The following PCCA variants were observed in gnomAD, a reference collection of about 807,000 sequenced individuals.
PCCA encodes propionyl-CoA carboxylase subunit alpha, also known as propionyl-CoA carboxylase alpha chain, mitochondrial.
PCCA carries 74 observed loss-of-function variants against 101.3 expected under a neutral mutation model. The ratio of observed to expected loss-of-function variants is 0.73; its 90% CI spans 0.61 to 0.89. The LOEUF (loss-of-function observed/expected upper bound fraction) is 0.89. Ranked by LOEUF, PCCA falls within the 40% of genes least tolerant of loss-of-function variation. PCCA has a pLI of 0.00. For synonymous variants in PCCA, 294 were observed against 313.6 expected (o/e 0.94, Z 0.66); for missense variants, 891 against 907.0 (o/e 0.98, Z 0.23).
At chr13:100,190,122 A>G (rs1156530172) in intron 6 of PCCA, among the ~76,000 whole-genome samples, 1 of 152,206 alleles carries the variant, frequency 6.6e-6, no homozygotes, top group Non-Finnish European at 1.5e-5. Context: ...ACTAATTAAT[A>G]TGATACAATG....
chr13:100,386,836 C>T (rs1347247893), intron 19 of PCCA, among the ~76,000 whole-genome samples: 19 of 152,192 alleles, frequency 1.2e-4, no homozygotes, highest in Admixed American at 1.2e-3. Context: ...AGCTGGAGGG[C>T]TGACTCCATA....
intron 4 of PCCA, among the ~76,000 whole-genome samples, chr13:100,147,882 G>T (rs2052774662): frequency 6.6e-6 from 1 of 151,750 alleles, no homozygotes; most frequent in South Asian, 2.1e-4. Context: ...AGTTTTTTTT[G>T]TGTTTTTAAT....
At chr13:100,298,895 G>A (rs922300776) in intron 12 of PCCA, among the ~76,000 whole-genome samples, 3 of 151,452 alleles carry the variant, frequency 2.0e-5, no homozygotes, top group Admixed American at 1.3e-4. Context: ...AAGATTTCTG[G>A]TAATAACACA....
At chr13:100,447,464 G>A (rs964278582) in intron 20 of PCCA, among the ~76,000 whole-genome samples, 23 of 151,946 alleles carry the variant, frequency 1.5e-4, no homozygotes, top group African/African-American at 5.3e-4. Context: ...CTGAGGCCAG[G>A]AGTTCGAGAC....
intron 6 of PCCA, among the ~76,000 whole-genome samples, chr13:100,192,753 A>G (rs1282134915): frequency 6.6e-6 from 1 of 152,096 alleles, no homozygotes; most frequent in Non-Finnish European, 1.5e-5. Flanking sequence ...AAATATTTAA[A>G]TGTTTGCTTG....
At chr13:100,529,235 G>A (rs1484716261) in intron 23 of PCCA, among the ~76,000 whole-genome samples, 1 of 152,194 alleles carries the variant, frequency 6.6e-6, no homozygotes, top group Non-Finnish European at 1.5e-5. Flanking sequence ...AAAGGAAACA[G>A]ATCCTCTACT....
At chr13:100,094,339 T>C (rs1390767080) in intron 1 of PCCA, among the ~76,000 whole-genome samples, 1 of 152,118 alleles carries the variant, frequency 6.6e-6, no homozygotes, top group Non-Finnish European at 1.5e-5. Context: ...AAAATACTGC[T>C]TTTGACAACA....
intron 21 of PCCA, among the ~76,000 whole-genome samples, chr13:100,463,498 G>A (rs1245126004): frequency 6.9e-6 from 1 of 144,576 alleles, no homozygotes; most frequent in Non-Finnish European, 1.5e-5. Context: ...GATGCAGTTA[G>A]GGAGGAAAAA....
At chr13:100,093,229 T>C (rs2046436625) in intron 1 of PCCA, among the ~76,000 whole-genome samples, 1 of 152,198 alleles carries the variant, frequency 6.6e-6, no homozygotes, top group African/African-American at 2.4e-5. Context: ...TGGGTATCAG[T>C]GGCTGGCTTT....
At position 100,134,888 on chromosome 13, in the gene PCCA, TG is replaced by T. The variant is rs531751901; in HGVS notation, c.301-20090del. ...CATTAGCATTTCATAGTTTTCAATA[TG>T]CAGATCCTGCACATGCTTTGTTTTG... On this transcript the variant is annotated intron_variant, in intron 4 of 23. Coordinates refer to ENST00000376285, the MANE Select transcript of PCCA (RefSeq NM_000282.4). Among the ~76,000 whole-genome samples, 695 of 151,494 alleles carry T rather than the reference TG, an allele frequency of 4.6e-3. 3 individuals carry two copies. The highest frequency in any genetic ancestry group is 6.4e-3 in the Non-Finnish European group (437 of 67,940).
At chr13:100,163,239 A>T (rs2054674940) in intron 6 of PCCA, among the ~76,000 whole-genome samples, 1 of 152,082 alleles carries the variant, frequency 6.6e-6, no homozygotes, top group African/African-American at 2.4e-5. Context: ...GTTAAAACAG[A>T]TTGAAGTGTT....
intron 18 of PCCA, among the ~76,000 whole-genome samples, chr13:100,367,651 T>G (rs2075283388): frequency 1.3e-5 from 2 of 150,976 alleles, no homozygotes; most frequent in South Asian, 4.2e-4. Context: ...TTTTGTTTTT[T>G]TTTTTTTGCA....
At chr13:100,469,582 G>C (rs1466530135) in intron 21 of PCCA, among the ~76,000 whole-genome samples, 2 of 151,804 alleles carry the variant, frequency 1.3e-5, no homozygotes, top group South Asian at 2.1e-4. Context: ...TTCAAGACCA[G>C]CCTGGCCAAC....
chr13:100,251,914 C>CA (rs1474185083), intron 8 of PCCA, among the ~76,000 whole-genome samples: 1 of 152,162 alleles, frequency 6.6e-6, no homozygotes, highest in Non-Finnish European at 1.5e-5. Context: ...CTGGGTTCTT[C>CA]AGAAATATCA....
At chr13:100,454,226 C>A (rs549899792) in intron 21 of PCCA, among the ~76,000 whole-genome samples, 1 of 152,134 alleles carries the variant, frequency 6.6e-6, no homozygotes, top group Non-Finnish European at 1.5e-5. Flanking sequence ...CCTAATAAAT[C>A]ATAGATTCCT....
chr13:100,308,605 C>T (rs566074797), intron 15 of PCCA, among the ~76,000 whole-genome samples: 19 of 152,190 alleles, frequency 1.2e-4, no homozygotes, highest in South Asian at 2.1e-4. Context: ...GGATTACAAA[C>T]GTGAGCCACC....
At chr13:100,143,464 G>C (rs932115839) in intron 4 of PCCA, among the ~76,000 whole-genome samples, 1 of 151,414 alleles carries the variant, frequency 6.6e-6, no homozygotes, top group Non-Finnish European at 1.5e-5. Context: ...GCACGTGGGA[G>C]GCAGAGATTG....
At chr13:100,266,743 C>T (rs2062963266) in intron 10 of PCCA, among the ~76,000 whole-genome samples, 1 of 152,154 alleles carries the variant, frequency 6.6e-6, no homozygotes. Flanking sequence ...CTCTTTGTGG[C>T]ATAAACCAGT....
chr13:100,408,866 GA>G (rs1167137655), intron 19 of PCCA, among the ~76,000 whole-genome samples: 3 of 152,084 alleles, frequency 2.0e-5, no homozygotes, highest in Non-Finnish European at 4.4e-5. Flanking sequence ...GGTAAAGTAG[GA>G]AAAAAACAAC....
Sources: allele counts gnomAD v4.1 joint callset (sites outside exome capture counted in the v4.1 genomes callset), GRCh38; gene constraint gnomAD v4.1.1; transcripts MANE v1.5; gene names NCBI Gene and HGNC (gene_info 2026-07-23, HGNC 2026-07-21).